SORCS3: variants seen among roughly 807,000 people sequenced by gnomAD.
SORCS3 encodes VPS10 domain-containing receptor SorCS3.
SORCS3 carries 57 observed loss-of-function variants against 146.3 expected under a neutral mutation model. The observed-to-expected ratio is 0.39, with a 90% confidence interval of 0.31 to 0.49. SORCS3 has a LOEUF of 0.49. Ranked by LOEUF, SORCS3 falls within the 20% of genes least tolerant of loss-of-function variation. The pLI, the probability that SORCS3 is intolerant of heterozygous loss-of-function variation, is 0.92. For missense variants in SORCS3, 1,341 were observed against 1,575.5 expected (o/e 0.85, Z 2.52); for synonymous variants, 653 against 618.5 (o/e 1.06, Z -0.83).
At chr10:104,906,343 T>C (rs2018904994) in intron 2 of SORCS3, among the ~76,000 whole-genome samples, 1 of 152,308 alleles carries the variant, frequency 6.6e-6, no homozygotes, top group East Asian at 1.9e-4. Context: ...CATCCTCCCA[T>C]GTGTCTTTTG....
intron 4 of SORCS3, among the ~76,000 whole-genome samples, chr10:105,016,083 G>T (rs2055163767): frequency 7.1e-6 from 1 of 140,652 alleles, no homozygotes; most frequent in Admixed American, 7.2e-5. Context: ...AGTATTGTTT[G>T]TTTCATAACT....
At chr10:105,081,091 G>C (rs1216263361) in intron 5 of SORCS3, among the ~76,000 whole-genome samples, 1 of 152,064 alleles carries the variant, frequency 6.6e-6, no homozygotes, top group East Asian at 1.9e-4. Context: ...CCCCGTAAAT[G>C]TATACAACTA....
intron 15 of SORCS3, 39 bp downstream of exon 15, chr10:105,200,155 G>T: frequency 6.6e-7 from 1 of 1,518,954 alleles, no homozygotes; most frequent in Non-Finnish European, 9.1e-7. Flanking sequence ...GCTTTGAGGA[G>T]GAGGAGCTAG....
chr10:104,984,374 C>T (rs1001824870), intron 4 of SORCS3, among the ~76,000 whole-genome samples: 1 of 152,048 alleles, frequency 6.6e-6, no homozygotes, highest in African/African-American at 2.4e-5. Flanking sequence ...AATTATAATA[C>T]CCAGTGTCGG....
intron 14 of SORCS3, among the ~76,000 whole-genome samples, chr10:105,182,457 T>G (rs1275986828): frequency 6.6e-6 from 1 of 152,010 alleles, no homozygotes; most frequent in African/African-American, 2.4e-5. Flanking sequence ...GAAGGTACTA[T>G]AATTCTCTAA....
intron 1 of SORCS3, among the ~76,000 whole-genome samples, chr10:104,841,304 G>A (rs546392355): frequency 2.1e-4 from 32 of 152,176 alleles, no homozygotes; most frequent in South Asian, 1.2e-3. Flanking sequence ...GCTTGGTAGA[G>A]TCTACTGTTC....
rs2056418710 is a variant in SORCS3, at chr10:105,178,051, T to C, written c.1902-15T>C. Reference sequence around the variant, plus strand: ...ATTTTCAGCTGTCTTTTTTGTGTACTTGTTTCCAACACAGGGTGAGTTTTG... The same window carrying C: ...ATTTTCAGCTGTCTTTTTTGTGTACCTGTTTCCAACACAGGGTGAGTTTTG... On this transcript the variant is annotated splice_polypyrimidine_tract_variant and intron_variant, in intron 13 of 26. Coordinates refer to ENST00000369701, the MANE Select transcript of SORCS3 (RefSeq NM_014978.3). The C allele has an allele frequency of 6.3e-7, 1 of 1,594,662 alleles. No homozygotes were observed. Among genetic ancestry groups the C allele is most frequent in the Non-Finnish European group, 8.6e-7 (1 of 1,163,156 alleles).
At chr10:105,055,713 T>C (rs2055441517) in intron 5 of SORCS3, among the ~76,000 whole-genome samples, 1 of 152,208 alleles carries the variant, frequency 6.6e-6, no homozygotes, top group South Asian at 2.1e-4. Flanking sequence ...GCATCTGCAC[T>C]TTTTTTCAAC....
chr10:105,247,647 C>A (rs1342049007), intron 22 of SORCS3, among the ~76,000 whole-genome samples: 1 of 152,082 alleles, frequency 6.6e-6, no homozygotes, highest in Non-Finnish European at 1.5e-5. Context: ...ACTCAGGTGG[C>A]TGAGGCATGA....
intron 1 of SORCS3, among the ~76,000 whole-genome samples, chr10:104,657,556 G>A (rs2015647260): frequency 6.6e-6 from 1 of 152,070 alleles, no homozygotes; most frequent in Non-Finnish European, 1.5e-5. Flanking sequence ...TACAATTCAT[G>A]GTTTCTTTTT....
At position 104,842,997 on chromosome 10, in the gene SORCS3, G is replaced by A. The variant is rs377645064; in HGVS notation, c.695+138G>A. 1.0e-4 allele frequency: 69 copies of A among 686,260 alleles called. No homozygotes were observed. The African/African-American group carries it at 1.2e-3, about 12-fold the overall frequency. 42.5% of individuals were successfully genotyped at this position (686,260 alleles called of 1,614,324 possible). On this transcript the variant is annotated intron_variant, in intron 2 of 26. Coordinates refer to ENST00000369701, the MANE Select transcript of SORCS3 (RefSeq NM_014978.3). Reference sequence around the variant, plus strand: ...GGAAGCTCATGTTAATGCTCTGGGTGGAACTGATGGCCCCCACCTGTGAAT... The same window carrying A: ...GGAAGCTCATGTTAATGCTCTGGGTAGAACTGATGGCCCCCACCTGTGAAT...
chr10:104,737,607 C>G (rs1266332321), intron 1 of SORCS3, among the ~76,000 whole-genome samples: 1 of 152,154 alleles, frequency 6.6e-6, no homozygotes, highest in Non-Finnish European at 1.5e-5. Context: ...ATATCCTTTG[C>G]CCACTTTTTG....
chr10:104,950,814 C>G (rs1227415347), intron 3 of SORCS3, among the ~76,000 whole-genome samples: 1 of 152,180 alleles, frequency 6.6e-6, no homozygotes, highest in Non-Finnish European at 1.5e-5. Flanking sequence ...AACGAAGATT[C>G]CGGTTGATTC....
intron 7 of SORCS3, among the ~76,000 whole-genome samples, chr10:105,118,604 C>T (rs2055909594): frequency 6.6e-6 from 1 of 152,090 alleles, no homozygotes; most frequent in Non-Finnish European, 1.5e-5. Flanking sequence ...TTTTGAGCTT[C>T]CTAGAGACTT....
intron 2 of SORCS3, among the ~76,000 whole-genome samples, chr10:104,885,383 G>GCT (rs1014456566): frequency 3.0e-4 from 46 of 152,148 alleles, no homozygotes; most frequent in African/African-American, 1.1e-3. Flanking sequence ...TTTCAAGTGA[G>GCT]CAAGACACAC....
At position 105,067,931 on chromosome 10, in the gene SORCS3, C is replaced by T. The variant is rs557368104; in HGVS notation, c.1029-21844C>T. Among the ~76,000 whole-genome samples, 7 of 152,076 alleles carry T rather than the reference C, an allele frequency of 4.6e-5. No individual in the cohort carries two copies. In the East Asian group the frequency reaches 7.8e-4, roughly 17 times the overall value. On this transcript the variant is annotated intron_variant, in intron 5 of 26. Coordinates refer to ENST00000369701, the MANE Select transcript of SORCS3 (RefSeq NM_014978.3). Reference sequence around the variant, plus strand: ...TACATGTCAGTGTTTCCAGGATGCTCTCTTCATTGTTTCATTTGCTTGCAA... The same window carrying T: ...TACATGTCAGTGTTTCCAGGATGCTTTCTTCATTGTTTCATTTGCTTGCAA...
At chr10:105,037,338 T>C (rs1393556334) in intron 4 of SORCS3, among the ~76,000 whole-genome samples, 3 of 152,198 alleles carry the variant, frequency 2.0e-5, no homozygotes, top group African/African-American at 7.2e-5. Context: ...CCCATGTTAG[T>C]TTCCTAGAGC....
chr10:105,075,743 C>T (rs1205845374), intron 5 of SORCS3, among the ~76,000 whole-genome samples: 3 of 152,138 alleles, frequency 2.0e-5, no homozygotes, highest in African/African-American at 4.8e-5. Flanking sequence ...CCCCCTTCCT[C>T]CTGAGCTGTG....
At position 104,807,365 on chromosome 10, in the gene SORCS3, A is replaced by T. The variant is rs1455201907; in HGVS notation, c.628-35427A>T. 2.0e-5 allele frequency among the ~76,000 whole-genome samples: 3 copies of T among 152,182 alleles called. No individual in the cohort carries two copies. The East Asian group carries it at 5.8e-4, about 29-fold the overall frequency. On this transcript the variant is annotated intron_variant, in intron 1 of 26. Transcript: ENST00000369701. The stretch of plus-strand genomic sequence containing the variant: ...TCTTGAGGAATTCATGAACACCCAG[A>T]TATGAAGTGGAAATTTTTATGTGAA...
Sources: gnomAD v4.1 joint callset for allele counts (sites outside exome capture counted in the v4.1 genomes callset) on GRCh38, gnomAD v4.1.1 for gene constraint, MANE v1.5 for transcripts, NCBI Gene and HGNC (gene_info 2026-07-23, HGNC 2026-07-21) for gene names.